Variants in UNC13C observed in about 807,000 individuals in gnomAD.
UNC13C encodes the protein unc-13 homolog C.
A neutral mutation model predicts 245.4 loss-of-function variants in UNC13C; 174 were observed. The ratio of observed to expected loss-of-function variants is 0.71; its 90% CI spans 0.63 to 0.80. UNC13C has a LOEUF of 0.80. Ranked by LOEUF, UNC13C falls within the 30% of genes least tolerant of loss-of-function variation. The pLI is 0.00. For synonymous variants in UNC13C, 992 were observed against 895.1 expected (o/e 1.11, Z -1.93); for missense variants, 2,829 against 2,602.9 (o/e 1.09, Z -1.89).
chr15:54,600,623 G>T (rs1040243572), intron 30 of UNC13C, among the ~76,000 whole-genome samples: 5 of 151,900 alleles, frequency 3.3e-5, no homozygotes, highest in African/African-American at 1.2e-4. Flanking sequence ...TATTTTTCAG[G>T]TATTTATTGA....
intron 2 of UNC13C, among the ~76,000 whole-genome samples, chr15:54,122,698 C>T (rs565544413): frequency 6.6e-6 from 1 of 151,984 alleles, no homozygotes. Context: ...TTTGCTTGAT[C>T]TTGAATTTCA....
At chr15:54,078,038 A>G (rs1182578112) in intron 2 of UNC13C, among the ~76,000 whole-genome samples, 1 of 152,024 alleles carries the variant, frequency 6.6e-6, no homozygotes, top group Non-Finnish European at 1.5e-5. Context: ...ATGTGTACTC[A>G]TTGTTTAGCT....
chr15:54,080,886 T>C (rs1361511425), intron 2 of UNC13C, among the ~76,000 whole-genome samples: 3 of 152,034 alleles, frequency 2.0e-5, no homozygotes, highest in African/African-American at 4.8e-5. Flanking sequence ...CTAGTTCCTT[T>C]AGGTGCAGCA....
At chr15:54,517,713 C>T (rs139534821) in intron 24 of UNC13C, among the ~76,000 whole-genome samples, 1,523 of 152,226 alleles carry the variant, frequency 0.01, 29 homozygotes, top group African/African-American at 0.035. Context: ...GTAAATTTTA[C>T]TAGGAACTGG....
intron 18 of UNC13C, among the ~76,000 whole-genome samples, chr15:54,409,496 C>A (rs2040374421): frequency 4.6e-5 from 7 of 152,058 alleles, no homozygotes. Context: ...AGCATAGTAG[C>A]CAATAGGTAG....
At chr15:54,100,161 T>C (rs1331461018) in intron 2 of UNC13C, among the ~76,000 whole-genome samples, 2 of 151,840 alleles carry the variant, frequency 1.3e-5, no homozygotes, top group Non-Finnish European at 2.9e-5. Context: ...CCAAGTACCT[T>C]ATTTCTTTTC....
intron 14 of UNC13C, among the ~76,000 whole-genome samples, chr15:54,331,019 C>T (rs1026890251): frequency 2.6e-5 from 4 of 151,986 alleles, no homozygotes; most frequent in Admixed American, 1.3e-4. Flanking sequence ...CAATTTGTCA[C>T]CTCCTGTTAA....
chr15:54,548,594 G>T (rs1355130879), intron 27 of UNC13C, among the ~76,000 whole-genome samples: 1 of 152,050 alleles, frequency 6.6e-6, no homozygotes, highest in Non-Finnish European at 1.5e-5. Context: ...AATTGCAAGG[G>T]CTTGGACTGT....
chr15:54,611,667 C>A (rs1900104929), intron 30 of UNC13C: 1 of 151,954 alleles, frequency 6.6e-6, no homozygotes, highest in Non-Finnish European at 1.5e-5. Flanking sequence ...GTTATAAATC[C>A]CTCTTTCTTG....
At chr15:54,111,448 C>T (rs1353813913) in intron 2 of UNC13C, among the ~76,000 whole-genome samples, 2 of 152,118 alleles carry the variant, frequency 1.3e-5, no homozygotes, top group African/African-American at 4.8e-5. Flanking sequence ...AAGCAAATAA[C>T]ATCATAACTG....
rs780753355 is a variant in UNC13C, at chr15:54,494,604, A to T, written c.4934-4A>T. 6.2e-7 allele frequency: 1 copy of T among 1,605,346 alleles called. No individual in the cohort carries two copies. Among genetic ancestry groups the T allele is most frequent in the South Asian group, 1.1e-5 (1 of 89,178 alleles). The stretch of plus-strand genomic sequence containing the variant: ...TATTAAATATTTAATTTTATCTGTT[A>T]TAGAACATGAAAATCAGCGGTTATG... On this transcript the variant is annotated splice_polypyrimidine_tract_variant and splice_region_variant and intron_variant, in intron 19 of 32. Coordinates refer to ENST00000260323, the MANE Select transcript of UNC13C (RefSeq NM_001080534.3).
chr15:54,368,966 G>A (rs1237019185), intron 17 of UNC13C, among the ~76,000 whole-genome samples: 1 of 152,034 alleles, frequency 6.6e-6, no homozygotes, highest in East Asian at 1.9e-4. Flanking sequence ...AACAATTGTA[G>A]ATTAATTTTA....
chr15:54,102,332 A>G (rs1322386023), intron 2 of UNC13C, among the ~76,000 whole-genome samples: 1 of 152,154 alleles, frequency 6.6e-6, no homozygotes, highest in Admixed American at 6.5e-5. Context: ...ATTAAAATTC[A>G]GTTTTTCAAC....
At chr15:54,551,038 G>A (rs1896713417) in intron 28 of UNC13C, among the ~76,000 whole-genome samples, 2 of 152,144 alleles carry the variant, frequency 1.3e-5, no homozygotes, top group African/African-American at 4.8e-5. Flanking sequence ...GTGATGGAAA[G>A]CCAAACATAA....
chr15:54,352,359 G>T lies in UNC13C; in HGVS notation c.4713+13870G>T, dbSNP rs1016891030. 7.7e-4 allele frequency among the ~76,000 whole-genome samples: 114 copies of T among 147,946 alleles called. 1 individual carries two copies. The highest frequency in any genetic ancestry group is 2.7e-3 in the African/African-American group (110 of 40,670). On this transcript the variant is annotated intron_variant, in intron 17 of 32. Transcript: ENST00000260323. ...ATAAATGTATATATATATATAGAGA[G>T]AGAGAGAGTGAGTCAGGTTATCCTC...
chr15:54,451,106 T>G (rs1239535943), intron 19 of UNC13C, among the ~76,000 whole-genome samples: 1 of 152,146 alleles, frequency 6.6e-6, no homozygotes, highest in African/African-American at 2.4e-5. Context: ...TAAATAGAGT[T>G]TTTTAAATAT....
intron 8 of UNC13C, among the ~76,000 whole-genome samples, chr15:54,258,886 G>C (rs2036349712): frequency 6.6e-6 from 1 of 152,208 alleles, no homozygotes; most frequent in Non-Finnish European, 1.5e-5. Flanking sequence ...TAGGATCTTA[G>C]TCTGTTTCAG....
At chr15:54,273,057 C>A (rs914404706) in intron 10 of UNC13C, among the ~76,000 whole-genome samples, 1 of 152,112 alleles carries the variant, frequency 6.6e-6, no homozygotes, top group African/African-American at 2.4e-5. Flanking sequence ...GTTGGGGGTA[C>A]AAACAGCAAT....
At chr15:53,882,755 T>A in the UNC13C span, among the ~76,000 whole-genome samples, 1 of 152,162 alleles carries the variant, frequency 6.6e-6, no homozygotes, top group East Asian at 1.9e-4. Context: ...ATTGATATAA[T>A]CTCTACAGAG....
Sources: gnomAD v4.1 joint callset for allele counts (sites outside exome capture counted in the v4.1 genomes callset) on GRCh38, gnomAD v4.1.1 for gene constraint, MANE v1.5 for transcripts, NCBI Gene and HGNC (gene_info 2026-07-23, HGNC 2026-07-21) for gene names.